The following DCT variants were observed in gnomAD, a reference collection of about 807,000 sequenced individuals.
The protein encoded by DCT is dopachrome tautomerase.
A neutral mutation model predicts 53.0 loss-of-function variants in DCT; 47 were observed. That is an observed-to-expected ratio of 0.89 (90% CI 0.70 to 1.13). The LOEUF is 1.13. Ranked by LOEUF, DCT falls within the 50% of genes most tolerant of loss-of-function variation. The pLI, the probability that DCT is intolerant of heterozygous loss-of-function variation, is 0.00. For synonymous variants in DCT, 244 were observed against 237.0 expected (o/e 1.03, Z -0.27); for missense variants, 669 against 637.4 (o/e 1.05, Z -0.53).
intron 4 of DCT, among the ~76,000 whole-genome samples, chr13:94,463,323 G>C (rs1224332042): frequency 7.0e-6 from 1 of 142,738 alleles, no homozygotes; most frequent in South Asian, 2.2e-4. Context: ...GTCTCACTCT[G>C]TAGCCCAGGC....
chr13:94,440,687 T>TG, intron 7 of DCT, among the ~76,000 whole-genome samples: 1 of 146,014 alleles, frequency 6.8e-6, no homozygotes, highest in Non-Finnish European at 1.5e-5. Context: ...TTTTTTTTTT[T>TG]TTTTTTTTTT....
chr13:94,531,215 C>T, the DCT span, among the ~76,000 whole-genome samples: 1 of 152,130 alleles, frequency 6.6e-6, no homozygotes, highest in Non-Finnish European at 1.5e-5. Flanking sequence ...GCCATATTGC[C>T]CAAGGTAATT....
the DCT span, among the ~76,000 whole-genome samples, chr13:94,535,472 T>G: frequency 6.6e-6 from 1 of 152,212 alleles, no homozygotes; most frequent in Non-Finnish European, 1.5e-5. Flanking sequence ...AACTGAAGGA[T>G]AGTTTTCATA....
intron 2 of DCT, chr13:94,467,075 G>C (rs1884273371): frequency 6.5e-6 from 1 of 153,240 alleles, no homozygotes; most frequent in Admixed American, 6.5e-5. Flanking sequence ...AAATTTAAAA[G>C]GGAGGGATTA....
At chr13:94,460,631 T>G (rs1464953852) in intron 5 of DCT, among the ~76,000 whole-genome samples, 1 of 152,064 alleles carries the variant, frequency 6.6e-6, no homozygotes, top group Non-Finnish European at 1.5e-5. Flanking sequence ...GACCTTCAGC[T>G]TGACTGAAGG....
chr13:94,460,580 A>G (rs975561006), intron 5 of DCT, among the ~76,000 whole-genome samples: 2 of 152,072 alleles, frequency 1.3e-5, no homozygotes, highest in African/African-American at 4.8e-5. Context: ...AAATTCTTTT[A>G]TTTAACATAT....
At chr13:94,480,944 A>C (rs1180052504), upstream of DCT, among the ~76,000 whole-genome samples, 1 of 152,232 alleles carries the variant, frequency 6.6e-6, no homozygotes, top group Admixed American at 6.5e-5. Flanking sequence ...ACTGTTCTGA[A>C]GGCCAGAAGT....
At chr13:94,457,912 G>A (rs557211839) in intron 6 of DCT, among the ~76,000 whole-genome samples, 4 of 152,240 alleles carry the variant, frequency 2.6e-5, no homozygotes, top group Non-Finnish European at 4.4e-5. Flanking sequence ...CTGGCCTGGC[G>A]CTATCAACGA....
At chr13:94,534,261 A>G in the DCT span, among the ~76,000 whole-genome samples, 1 of 152,204 alleles carries the variant, frequency 6.6e-6, no homozygotes, top group Non-Finnish European at 1.5e-5. Context: ...GTAATCAAGT[A>G]AGTTTCCCTT....
intron 1 of DCT, among the ~76,000 whole-genome samples, chr13:94,469,578 G>C (rs945158852): frequency 6.6e-6 from 1 of 152,142 alleles, no homozygotes; most frequent in Admixed American, 6.6e-5. Context: ...AACTGTGGGA[G>C]GGTGAATTTC....
chr13:94,521,885 A>C, the DCT span, among the ~76,000 whole-genome samples: 9 of 152,096 alleles, frequency 5.9e-5, no homozygotes, highest in South Asian at 1.7e-3. Flanking sequence ...GAAGCCCTAT[A>C]CCTAATACCT....
At chr13:94,511,953 T>C in the DCT span, among the ~76,000 whole-genome samples, 1 of 151,906 alleles carries the variant, frequency 6.6e-6, no homozygotes, top group African/African-American at 2.4e-5. Flanking sequence ...AGCCTCCAAC[T>C]CTGGGGCTCA....
the DCT span, among the ~76,000 whole-genome samples, chr13:94,530,239 A>G: frequency 1.3e-5 from 2 of 152,210 alleles, no homozygotes; most frequent in African/African-American, 4.8e-5. Context: ...TTCCTTCTGA[A>G]ACTATTTCAA....
At chr13:94,529,283 A>C in the DCT span, among the ~76,000 whole-genome samples, 1,892 of 152,328 alleles carry the variant, frequency 0.012, 43 homozygotes, top group African/African-American at 0.043. Context: ...CTCTGGACCA[A>C]GTGGACCTAA....
chr13:94,524,094 C>T, the DCT span, among the ~76,000 whole-genome samples: 3 of 152,182 alleles, frequency 2.0e-5, no homozygotes, highest in African/African-American at 7.2e-5. Context: ...GATCTCCATC[C>T]AGACTGTTTC....
At chr13:94,483,029 T>C (rs75346713), upstream of DCT, among the ~76,000 whole-genome samples, 1 of 152,068 alleles carries the variant, frequency 6.6e-6, no homozygotes, top group Non-Finnish European at 1.5e-5. Context: ...ATCCCAACAT[T>C]TTGGGAGGCC....
intron 6 of DCT, chr13:94,445,737 G>T: frequency 6.3e-7 from 1 of 1,588,094 alleles, no homozygotes; most frequent in Non-Finnish European, 8.6e-7. Flanking sequence ...GCAGGGAAGG[G>T]AGTTCCTTGG....
At chr13:94,469,442 G>A (rs1884476852) in intron 1 of DCT, among the ~76,000 whole-genome samples, 1 of 152,114 alleles carries the variant, frequency 6.6e-6, no homozygotes, top group Admixed American at 6.5e-5. Flanking sequence ...CAAAAGAAGA[G>A]GAAATTTGGA....
At chr13:94,442,557 G>A (rs1882403804) in intron 7 of DCT, among the ~76,000 whole-genome samples, 1 of 152,148 alleles carries the variant, frequency 6.6e-6, no homozygotes, top group Admixed American at 6.5e-5. Context: ...AGCCATATTG[G>A]GGCCTGGGCC....
Sources: gnomAD v4.1 joint callset for allele counts (sites outside exome capture counted in the v4.1 genomes callset) on GRCh38, gnomAD v4.1.1 for gene constraint, MANE v1.5 for transcripts, NCBI Gene and HGNC (gene_info 2026-07-23, HGNC 2026-07-21) for gene names.